The following TSPAN18 variants were observed in gnomAD, a reference collection of about 807,000 sequenced individuals.
TSPAN18 encodes the protein tetraspanin 18, also known as tetraspanin-18.
In TSPAN18, 14 loss-of-function variants were observed where a neutral mutation model predicts 27.3. The ratio of observed to expected loss-of-function variants is 0.51; its 90% CI spans 0.34 to 0.80. TSPAN18 has a LOEUF of 0.80. TSPAN18 is among the 30% of genes least tolerant of loss of function. The pLI, the probability that TSPAN18 is intolerant of heterozygous loss-of-function variation, is 0.01. For synonymous variants in TSPAN18, 143 were observed against 136.5 expected (o/e 1.05, Z -0.33); for missense variants, 268 against 323.9 (o/e 0.83, Z 1.32).
chr11:44,921,352 T>A (rs1054049915), intron 8 of TSPAN18, among the ~76,000 whole-genome samples: 1 of 152,124 alleles, frequency 6.6e-6, no homozygotes, highest in Non-Finnish European at 1.5e-5. Flanking sequence ...AGATTCCATA[T>A]GTTGGCAGAG....
At chr11:44,853,356 T>C (rs1238470283) in intron 2 of TSPAN18, among the ~76,000 whole-genome samples, 1 of 151,956 alleles carries the variant, frequency 6.6e-6, no homozygotes, top group African/African-American at 2.4e-5. Flanking sequence ...GGGACTGAGT[T>C]GTTTTGGGAA....
intron 1 of TSPAN18, among the ~76,000 whole-genome samples, chr11:44,741,391 GT>G (rs1463226516): frequency 6.6e-6 from 1 of 151,284 alleles, no homozygotes; most frequent in Non-Finnish European, 1.5e-5. Context: ...GGCAATTTTT[GT>G]TTCTTCGTAG....
chr11:44,913,905 T>TC (rs1468527586), intron 5 of TSPAN18, among the ~76,000 whole-genome samples: 1 of 152,244 alleles, frequency 6.6e-6, no homozygotes, highest in African/African-American at 2.4e-5. Flanking sequence ...CCAAAGGACT[T>TC]TAACACTGGT....
At chr11:44,922,072 A>G (rs999552397) in intron 8 of TSPAN18, among the ~76,000 whole-genome samples, 1 of 148,920 alleles carries the variant, frequency 6.7e-6, no homozygotes, top group Non-Finnish European at 1.5e-5. Flanking sequence ...AACTGTCTCT[A>G]TTTGTCTTTT....
At chr11:44,810,612 T>TTC (rs1856692754) in intron 2 of TSPAN18, among the ~76,000 whole-genome samples, 1 of 151,340 alleles carries the variant, frequency 6.6e-6, no homozygotes, top group South Asian at 2.1e-4. Context: ...TTCTTTTTTT[T>TTC]TTTTTTTGAG....
intron 3 of TSPAN18, among the ~76,000 whole-genome samples, chr11:44,882,770 C>T (rs982177306): frequency 1.4e-4 from 22 of 152,046 alleles, no homozygotes; most frequent in African/African-American, 4.3e-4. Flanking sequence ...GGGGTGTGGC[C>T]GAGACACCAA....
chr11:44,918,674 G>A (rs1860007018), intron 6 of TSPAN18, among the ~76,000 whole-genome samples: 1 of 152,146 alleles, frequency 6.6e-6, no homozygotes, highest in Non-Finnish European at 1.5e-5. Flanking sequence ...CAGCCTGTGA[G>A]CAGACAATGG....
intron 2 of TSPAN18, among the ~76,000 whole-genome samples, chr11:44,769,849 T>C (rs1855651352): frequency 6.6e-6 from 1 of 152,244 alleles, no homozygotes; most frequent in Non-Finnish European, 1.5e-5. Context: ...ATTTTATAGA[T>C]CTTTTCAAAG....
intron 2 of TSPAN18, among the ~76,000 whole-genome samples, chr11:44,845,386 T>C (rs835791): frequency 0.88 from 133,507 of 152,274 alleles, 58,589 homozygotes; most frequent in East Asian, 0.93. Context: ...TAGCACAGTA[T>C]CTGGCACATG....
At chr11:44,891,870 G>T (rs965621038) in intron 3 of TSPAN18, among the ~76,000 whole-genome samples, 1 of 152,194 alleles carries the variant, frequency 6.6e-6, no homozygotes, top group African/African-American at 2.4e-5. Flanking sequence ...CTCACTAAAT[G>T]GGAAATGAAC....
rs142087375 is a variant in TSPAN18, at chr11:44,909,469, G to C, written c.64-236G>C. On this transcript the variant is annotated intron_variant, in intron 4 of 9. Coordinates refer to ENST00000520358, the MANE Select transcript of TSPAN18 (RefSeq NM_130783.5). ...ACAGCCCGAGGTGGGGCTTGGGTCG[G>C]AAATTGGATTTAGAGGATGCGTGTT... 702 of 513,362 alleles carry C rather than the reference G, an allele frequency of 1.4e-3. 5 individuals carry two copies. The East Asian group carries it at 0.021, about 15-fold the overall frequency. 31.8% of individuals were successfully genotyped at this position (513,362 alleles called of 1,614,324 possible).
intron 2 of TSPAN18, among the ~76,000 whole-genome samples, chr11:44,795,640 C>T (rs1349140384): frequency 1.3e-5 from 2 of 151,970 alleles, no homozygotes; most frequent in African/African-American, 2.4e-5. Context: ...CACACCCTTA[C>T]TCCTGCCGCT....
intron 3 of TSPAN18, among the ~76,000 whole-genome samples, chr11:44,887,429 G>T (rs1342076866): frequency 6.6e-6 from 1 of 152,222 alleles, no homozygotes; most frequent in Non-Finnish European, 1.5e-5. Context: ...AGCCTTGGGG[G>T]AGTCACTTCA....
intron 2 of TSPAN18, among the ~76,000 whole-genome samples, chr11:44,857,267 G>A (rs1317243123): frequency 6.6e-6 from 1 of 152,234 alleles, no homozygotes; most frequent in Non-Finnish European, 1.5e-5. Flanking sequence ...TTTACAGTTT[G>A]CATGAACTTG....
intron 2 of TSPAN18, among the ~76,000 whole-genome samples, chr11:44,845,364 G>T (rs541321177): frequency 6.6e-6 from 1 of 152,158 alleles, no homozygotes; most frequent in Non-Finnish European, 1.5e-5. Context: ...GTGATACTGC[G>T]TGCAAAGTGC....
intron 3 of TSPAN18, among the ~76,000 whole-genome samples, chr11:44,866,704 C>T (rs960428327): frequency 6.6e-6 from 1 of 152,188 alleles, no homozygotes; most frequent in Non-Finnish European, 1.5e-5. Context: ...CAGAAACACT[C>T]TCCACCCCTC....
At chr11:44,811,344 AAG>A (rs1312930607) in intron 2 of TSPAN18, among the ~76,000 whole-genome samples, 1 of 152,208 alleles carries the variant, frequency 6.6e-6, no homozygotes, top group Non-Finnish European at 1.5e-5. Flanking sequence ...TGGATGTGAT[AAG>A]AGAGAGGGAG....
At chr11:44,916,628 T>G (rs577401919) in intron 5 of TSPAN18, among the ~76,000 whole-genome samples, 4 of 152,276 alleles carry the variant, frequency 2.6e-5, no homozygotes, top group African/African-American at 7.2e-5. Flanking sequence ...GGGGTTTGTA[T>G]GAGTGGTTGT....
At chr11:44,741,870 C>T (rs956649031) in intron 1 of TSPAN18, among the ~76,000 whole-genome samples, 1 of 152,116 alleles carries the variant, frequency 6.6e-6, no homozygotes, top group African/African-American at 2.4e-5. Flanking sequence ...CAGGTTGGCC[C>T]CTCCCCTCCC....
Sources: allele counts gnomAD v4.1 joint callset (sites outside exome capture counted in the v4.1 genomes callset), GRCh38; gene constraint gnomAD v4.1.1; transcripts MANE v1.5; gene names NCBI Gene and HGNC (gene_info 2026-07-23, HGNC 2026-07-21).